The following SLC28A3 variants were observed in gnomAD, a reference collection of about 807,000 sequenced individuals.
SLC28A3 encodes concentrative Na(+)-nucleoside cotransporter 3.
SLC28A3 carries 68 observed loss-of-function variants against 84.2 expected under a neutral mutation model. That is an observed-to-expected ratio of 0.81 (90% CI 0.66 to 0.99). SLC28A3 has a LOEUF of 0.99. Ranked by LOEUF, SLC28A3 falls within the 50% of genes least tolerant of loss-of-function variation. The pLI is 0.00. For missense variants in SLC28A3, 712 were observed against 841.5 expected, an observed-to-expected ratio of 0.85 and a Z score of 1.90; for synonymous variants, 267 against 303.6, an observed-to-expected ratio of 0.88 and a Z score of 1.25.
Position 84,280,873 on chromosome 9 carries a change from C to G in SLC28A3, c.1657G>C (p.Glu553Gln), listed in dbSNP as rs184620681. 1 of 1,614,078 alleles carries G rather than the reference C, an allele frequency of 6.2e-7. No individual in the cohort carries two copies. Among genetic ancestry groups the G allele is most frequent in the East Asian group, 2.2e-5 (1 of 44,876 alleles). Residue 553 changes from glutamate to glutamine, a missense_variant, in exon 15 of 18, where the codon GAG becomes CAG. Transcript: ENST00000376238. ...CAGAGAGCGTAAGTGGCGATTATCT[C>G]AGAACGAATCTGTAAGCAAGCATAA... ...GVQQYISIRS[E>Q]IIATYALCGF... is the part of the protein sequence containing the mutation.
chr9:84,356,675 C>CA, the SLC28A3 span, among the ~76,000 whole-genome samples: 1 of 151,808 alleles, frequency 6.6e-6, no homozygotes, highest in Admixed American at 6.6e-5. Context: ...ACTAAAAATA[C>CA]AAAAAATTAG....
the SLC28A3 span, among the ~76,000 whole-genome samples, chr9:84,364,229 A>T: frequency 8.5e-4 from 128 of 150,108 alleles, 1 homozygote; most frequent in Non-Finnish European, 2.1e-4. Flanking sequence ...GGTTCAAGCA[A>T]TTCTCCTGCC....
At chr9:84,306,322 C>T (rs1438506893) in intron 3 of SLC28A3, among the ~76,000 whole-genome samples, 1 of 152,182 alleles carries the variant, frequency 6.6e-6, no homozygotes, top group Non-Finnish European at 1.5e-5. Context: ...ACCTGCACTC[C>T]CCTTGGCCAG....
intron 1 of SLC28A3, among the ~76,000 whole-genome samples, chr9:84,314,816 C>A (rs980619312): frequency 6.6e-6 from 1 of 152,160 alleles, no homozygotes; most frequent in African/African-American, 2.4e-5. Context: ...TGGTGGCTGA[C>A]GCCCGTAATC....
chr9:84,367,020 G>A, the SLC28A3 span, among the ~76,000 whole-genome samples: 21,803 of 152,140 alleles, frequency 0.14, 1,821 homozygotes, highest in African/African-American at 0.23. Context: ...GGTGCTGTCT[G>A]GGCCTCAGGG....
the SLC28A3 span, among the ~76,000 whole-genome samples, chr9:84,351,137 C>T: frequency 6.6e-6 from 1 of 152,142 alleles, no homozygotes; most frequent in African/African-American, 2.4e-5. Context: ...CTTATTCTAT[C>T]AGCATATATA....
intron 15 of SLC28A3, 115 bp downstream of exon 15, chr9:84,280,686 C>A (rs996836335): frequency 5.2e-6 from 5 of 962,240 alleles, no homozygotes; most frequent in African/African-American, 1.6e-5. Context: ...CCCCAGAGGA[C>A]TCATGACTGT....
At chr9:84,356,787 C>T in the SLC28A3 span, among the ~76,000 whole-genome samples, 6 of 151,764 alleles carry the variant, frequency 4.0e-5, no homozygotes, top group Non-Finnish European at 8.8e-5. Flanking sequence ...GCTGAGATCA[C>T]GCCACTGCAC....
At chr9:84,366,005 G>A in the SLC28A3 span, among the ~76,000 whole-genome samples, 6,670 of 152,178 alleles carry the variant, frequency 0.044, 206 homozygotes, top group African/African-American at 0.089. Flanking sequence ...AGCCAAGATC[G>A]TGCCATTGCA....
Position 84,299,670 on chromosome 9 carries a change from CA to C in SLC28A3, c.579del (p.Ala194ProfsTer15). On this transcript the variant is annotated frameshift_variant, in exon 6 of 18. Transcript: ENST00000376238. LOFTEE classifies it high-confidence loss of function. ...ACCAGCTGCTGTTGACCCAATTTGG[CA>C]GTGTCAAAGGCCAACCAGAAAATAA... ...LAVIFWLAFD[T>X]AKLGQQQLVS... 6.2e-7 allele frequency: 1 copy of C among 1,613,610 alleles called. No individual in the cohort carries two copies. The highest frequency in any genetic ancestry group is 8.5e-7 in the Non-Finnish European group (1 of 1,179,886).
rs1480998498 is a variant in SLC28A3, at chr9:84,277,506, A to G, written c.*712T>C. On this transcript the variant is annotated 3_prime_UTR_variant, in exon 18 of 18. Coordinates refer to ENST00000376238, the MANE Select transcript of SLC28A3 (RefSeq NM_001199633.2). Reference sequence around the variant, plus strand: ...CCTTTAGACTGGGTGCTGAAGCAATATGGATTACAACCAAGATGGATCATT... The same window carrying G: ...CCTTTAGACTGGGTGCTGAAGCAATGTGGATTACAACCAAGATGGATCATT... 1 of 152,256 alleles carries G rather than the reference A, an allele frequency of 6.6e-6. No individual in the cohort carries two copies. Among genetic ancestry groups the G allele is most frequent in the African/African-American group, 2.4e-5 (1 of 41,474 alleles). 9.4% of individuals were successfully genotyped at this position (152,256 alleles called of 1,614,324 possible). A position where few individuals can be genotyped will look rare whatever the true frequency, so the allele number is the denominator to read the frequency against.
chr9:84,367,026 C>CA, the SLC28A3 span, among the ~76,000 whole-genome samples: 8 of 152,090 alleles, frequency 5.3e-5, no homozygotes, highest in Non-Finnish European at 1.0e-4. Context: ...GTCTGGGCCT[C>CA]AGGGAGTAGA....
chr9:84,352,675 A>G, the SLC28A3 span, among the ~76,000 whole-genome samples: 3 of 151,630 alleles, frequency 2.0e-5, no homozygotes, highest in African/African-American at 7.3e-5. Flanking sequence ...ACTTGTGGCC[A>G]GGAGTTTGAG....
At position 84,276,922 on chromosome 9, in the gene SLC28A3, T is replaced by C. The variant is rs1156304062; in HGVS notation, c.*1296A>G. The C allele has an allele frequency of 1.3e-5, 2 of 152,266 alleles. No homozygotes were observed. The highest frequency in any genetic ancestry group is 2.9e-5 in the Non-Finnish European group (2 of 68,048). 9.4% of individuals were successfully genotyped at this position (152,266 alleles called of 1,614,324 possible). On this transcript the variant is annotated 3_prime_UTR_variant, in exon 18 of 18. Transcript: ENST00000376238. ...CTTGGTAATTGATGTTTGTGTTTTC[T>C]CACAGCATGTGGTCTTCATGCTATT...
intron 11 of SLC28A3, among the ~76,000 whole-genome samples, chr9:84,288,562 T>G (rs1384621299): frequency 6.6e-6 from 1 of 152,070 alleles, no homozygotes; most frequent in East Asian, 1.9e-4. Context: ...CAACTTTTTT[T>G]TTTTTGAGAT....
intron 3 of SLC28A3, among the ~76,000 whole-genome samples, chr9:84,307,612 A>C (rs533815313): frequency 6.6e-6 from 1 of 152,220 alleles, no homozygotes; most frequent in Non-Finnish European, 1.5e-5. Flanking sequence ...TATTGGGTGA[A>C]TAAAAGTGTA....
intron 12 of SLC28A3, among the ~76,000 whole-genome samples, chr9:84,287,760 G>A (rs1825053620): frequency 6.6e-6 from 1 of 152,014 alleles, no homozygotes. Context: ...AGGCTGAGGT[G>A]GGAGGATAAC....
the SLC28A3 span, among the ~76,000 whole-genome samples, chr9:84,359,611 A>T: frequency 5.9e-5 from 9 of 152,222 alleles, no homozygotes; most frequent in African/African-American, 2.2e-4. Context: ...TCAAAGTTTA[A>T]AAAAGGATTA....
At chr9:84,336,692 T>C (rs1449760824) in intron 1 of SLC28A3, among the ~76,000 whole-genome samples, 1 of 152,026 alleles carries the variant, frequency 6.6e-6, no homozygotes, top group Admixed American at 6.6e-5. Context: ...AAAATCACAA[T>C]TTGACTGCGT....
Sources: allele counts gnomAD v4.1 joint callset (sites outside exome capture counted in the v4.1 genomes callset), GRCh38; gene constraint gnomAD v4.1.1; transcripts MANE v1.5; gene names NCBI Gene and HGNC (gene_info 2026-07-23, HGNC 2026-07-21).